ANKHD1: variants seen among roughly 807,000 people sequenced by gnomAD.
ANKHD1 encodes the protein ankyrin repeat and KH domain-containing protein 1.
Under a neutral mutation model 230.5 loss-of-function variants are expected in ANKHD1, and 31 were observed. The observed-to-expected ratio is 0.13, with a 90% CI of 0.10 to 0.18. The LOEUF (loss-of-function observed/expected upper bound fraction) is 0.18, where lower values mean the gene tolerates loss of function less well. Ranked by LOEUF, ANKHD1 falls within the 10% of genes least tolerant of loss-of-function variation. The pLI is 1.00. For synonymous variants in ANKHD1, 1,074 were observed against 1,117.6 expected, an observed-to-expected ratio of 0.96 and a Z score of 0.78; for missense variants, 2,256 against 3,071.3, an observed-to-expected ratio of 0.73 and a Z score of 6.27.
chr5:140,533,441 A>G (rs1392689532), intron 29 of ANKHD1, among the ~76,000 whole-genome samples: 2 of 152,076 alleles, frequency 1.3e-5, no homozygotes, highest in Non-Finnish European at 2.9e-5. Flanking sequence ...TACTAAAAAT[A>G]TAAAAAAATT....
intron 1 of ANKHD1, among the ~76,000 whole-genome samples, chr5:140,423,014 A>C (rs1053206057): frequency 6.6e-6 from 1 of 150,948 alleles, no homozygotes; most frequent in Non-Finnish European, 1.5e-5. Flanking sequence ...TCCACACCCC[A>C]CCCCTGCAGC....
At chr5:140,424,219 T>TAGAG (rs146480393) in intron 1 of ANKHD1, among the ~76,000 whole-genome samples, 92 of 149,652 alleles carry the variant, frequency 6.1e-4, no homozygotes, top group African/African-American at 2.1e-3. Flanking sequence ...TATATATATA[T>TAGAG]AGAGAGAGAG....
intron 7 of ANKHD1, among the ~76,000 whole-genome samples, chr5:140,454,964 T>G (rs1355726904): frequency 7.5e-4 from 105 of 140,202 alleles, no homozygotes; most frequent in Middle Eastern, 7.2e-3. Context: ...TTGGTAGACT[T>G]CTAGCAAGAC....
rs1751441186 is a variant in ANKHD1 at position 140,485,023 on chromosome 5, A to G, written c.1871-98A>G. On this transcript the variant is annotated intron_variant, in intron 11 of 33. Coordinates refer to ENST00000360839, the MANE Select transcript of ANKHD1 (RefSeq NM_017747.3). This position sits in a 1 kb window ranked among gnomAD's most constrained non-coding sequence, Gnocchi z 4.8. The stretch of plus-strand genomic sequence containing the variant: ...CTTAATGATTTGTATATTTTTTTGT[A>G]TCTACATTATACTTCACAAAAAATT... 1.4e-6 allele frequency: 2 copies of G among 1,431,200 alleles called. No homozygotes were observed. Among genetic ancestry groups the G allele is most frequent in the South Asian group, 1.5e-5 (1 of 65,026 alleles). The allele number at this position is 1,431,200 out of a possible 1,614,324, so 88.7% of individuals were successfully genotyped here. A position where few individuals can be genotyped will look rare whatever the true frequency, so the allele number is the denominator to read the frequency against.
At chr5:140,432,398 A>G (rs769939381) in intron 1 of ANKHD1, among the ~76,000 whole-genome samples, 1 of 152,152 alleles carries the variant, frequency 6.6e-6, no homozygotes, top group Non-Finnish European at 1.5e-5. Flanking sequence ...CATCTATATC[A>G]TGTATTTCTT....
intron 1 of ANKHD1, among the ~76,000 whole-genome samples, chr5:140,414,211 G>T (rs898163526): frequency 1.3e-5 from 2 of 152,108 alleles, no homozygotes; most frequent in African/African-American, 4.8e-5. Flanking sequence ...TATATACCCA[G>T]AAATGGAATT....
chr5:140,438,689 T>C, intron 3 of ANKHD1, 72 bp downstream of exon 3: 3 of 1,457,892 alleles, frequency 2.1e-6, no homozygotes, highest in Non-Finnish European at 2.7e-6. Context: ...CAATTTTGGT[T>C]AAATATATCT....
intron 6 of ANKHD1, 118 bp downstream of exon 6, chr5:140,446,093 CTA>C: frequency 9.7e-7 from 1 of 1,027,572 alleles, no homozygotes; most frequent in Non-Finnish European, 1.3e-6. Context: ...ATAAAATTAT[CTA>C]GTTTATAAGA....
chr5:140,528,158 TG>T (rs1442043373), intron 28 of ANKHD1, 25 bp from the exon 29 acceptor site: 4 of 1,555,242 alleles, frequency 2.6e-6, no homozygotes, highest in Non-Finnish European at 3.5e-6. Flanking sequence ...TTTTTGGTCT[TG>T]TTTCTGTTTT....
Position 140,517,857 on chromosome 5 carries a change from A to C in ANKHD1, c.4317+4378A>C, listed in dbSNP as rs1377841725. Among the ~76,000 whole-genome samples the C allele has an allele frequency of 3.5e-3, 512 of 148,232 alleles. 5 individuals are homozygous for C. Among genetic ancestry groups the C allele is most frequent in the African/African-American group, 0.012 (499 of 40,152 alleles). On this transcript the variant is annotated intron_variant, in intron 24 of 33. Transcript: ENST00000360839. ...AAAGCAGGAAAGATCCAAAATTGAC[A>C]CCCTAACATCACAATTAAAAGAACT...
chr5:140,427,567 TTG>T, intron 1 of ANKHD1, among the ~76,000 whole-genome samples: 1 of 123,072 alleles, frequency 8.1e-6, no homozygotes. Flanking sequence ...CCCACCTCCC[TTG>T]CGGACGGGGC....
At chr5:140,516,471 C>T (rs931667276) in intron 24 of ANKHD1, among the ~76,000 whole-genome samples, 10 of 152,044 alleles carry the variant, frequency 6.6e-5, no homozygotes, top group South Asian at 6.2e-4. Flanking sequence ...TCGAGAAGAG[C>T]GACTCCAAGA....
chr5:140,504,756 T>C, intron 15 of ANKHD1, 65 bp from the exon 16 acceptor site: 1 of 1,550,282 alleles, frequency 6.5e-7, no homozygotes, highest in East Asian at 2.3e-5. Flanking sequence ...GTTTTTGTGT[T>C]TTTCTATGTA....
intron 10 of ANKHD1, among the ~76,000 whole-genome samples, chr5:140,476,814 C>G (rs915047482): frequency 2.0e-5 from 3 of 151,926 alleles, no homozygotes; most frequent in African/African-American, 4.8e-5. Context: ...GTTTAAAAAC[C>G]TAAATTTTAA....
chr5:140,440,299 G>A (rs1048284072), intron 4 of ANKHD1, 33 bp downstream of exon 4: 1 of 1,589,560 alleles, frequency 6.3e-7, no homozygotes. Context: ...GATTAAAATT[G>A]TGGAAGGGTT....
At chr5:140,528,128 CTT>C (rs869281157) in intron 28 of ANKHD1, 54 bp from the exon 29 acceptor site, 885 of 1,370,902 alleles carry the variant, frequency 6.5e-4, no homozygotes, top group Admixed American at 2.1e-3. Context: ...TTAAGATTAC[CTT>C]TTTTTTTTTT....
intron 7 of ANKHD1, among the ~76,000 whole-genome samples, chr5:140,454,575 A>G (rs568331394): frequency 6.6e-6 from 1 of 152,316 alleles, no homozygotes; most frequent in African/African-American, 2.4e-5. Flanking sequence ...AAACCGCTCA[A>G]CTACATGGAA....
intron 1 of ANKHD1, among the ~76,000 whole-genome samples, chr5:140,415,971 T>A (rs531977119): frequency 1.3e-5 from 2 of 152,194 alleles, no homozygotes; most frequent in East Asian, 3.9e-4. Context: ...CGGTGTGTGA[T>A]GTTCCCCACC....
At chr5:140,440,733 T>C (rs1048335598) in intron 4 of ANKHD1, among the ~76,000 whole-genome samples, 15 of 152,278 alleles carry the variant, frequency 9.9e-5, no homozygotes, top group Admixed American at 8.5e-4. Flanking sequence ...ATAACATTCT[T>C]TGACAAGAGC....
Sources: allele counts gnomAD v4.1 joint callset (sites outside exome capture counted in the v4.1 genomes callset), GRCh38; gene constraint gnomAD v4.1.1; non-coding constraint Gnocchi (gnomAD v3.1); transcripts MANE v1.5; gene names NCBI Gene and HGNC (gene_info 2026-07-23, HGNC 2026-07-21).